The following AOPEP variants were observed in gnomAD, a reference collection of about 807,000 sequenced individuals.
AOPEP encodes the protein aminopeptidase O.
AOPEP carries 77 observed loss-of-function variants against 98.1 expected under a neutral mutation model. That is an observed-to-expected ratio of 0.78 (90% CI 0.65 to 0.95). The LOEUF (loss-of-function observed/expected upper bound fraction) is 0.95. AOPEP is among the 40% of genes least tolerant of loss of function. AOPEP has a pLI of 0.00. For missense variants in AOPEP, 1,024 were observed against 1,024.7 expected (o/e 1.00, Z 0.01); for synonymous variants, 346 against 365.3 (o/e 0.95, Z 0.60).
intron 7 of AOPEP, chr9:94,932,424 T>A (rs1318566372): frequency 4.7e-6 from 1 of 214,778 alleles, no homozygotes; most frequent in African/African-American, 2.4e-5. Context: ...GTGCCTTTCA[T>A]ACATCCACTG....
intron 14 of AOPEP, among the ~76,000 whole-genome samples, chr9:95,062,759 G>A (rs1422220776): frequency 6.6e-6 from 1 of 152,184 alleles, no homozygotes; most frequent in South Asian, 2.1e-4. Context: ...CTTGAATGTC[G>A]AGGGGTTGTG....
At chr9:94,752,653 TA>T (rs1218944787) in intron 1 of AOPEP, among the ~76,000 whole-genome samples, 1 of 152,194 alleles carries the variant, frequency 6.6e-6, no homozygotes, top group East Asian at 1.9e-4. Context: ...TTACTAAAGA[TA>T]AACTTAAGTA....
chr9:95,045,391 G>C (rs548256717), intron 13 of AOPEP, among the ~76,000 whole-genome samples: 1 of 152,358 alleles, frequency 6.6e-6, no homozygotes, highest in South Asian at 2.1e-4. Context: ...AGGGGTCGGT[G>C]AGAGGCCCCA....
At chr9:94,857,600 T>C (rs747605380) in intron 5 of AOPEP, among the ~76,000 whole-genome samples, 99 of 152,200 alleles carry the variant, frequency 6.5e-4, no homozygotes, top group Non-Finnish European at 8.5e-4. Context: ...GCCATTAAAA[T>C]TTATATTTCT....
At position 94,957,917 on chromosome 9, in the gene AOPEP, CA is replaced by C. The variant is rs569225287; in HGVS notation, c.1872+1910del. The stretch of plus-strand genomic sequence containing the variant: ...GTTCATTTAATTGTAATAAAATATA[CA>C]AAAAAAATTTACCATTTTAGCCATT... On this transcript the variant is annotated intron_variant, in intron 9 of 16. Transcript: ENST00000375315. Among the ~76,000 whole-genome samples the C allele has an allele frequency of 1.4e-4, 22 of 151,988 alleles. No individual in the cohort carries two copies. The East Asian group carries it at 3.5e-3, about 24-fold the overall frequency.
At chr9:95,125,821 A>C in the AOPEP span, among the ~76,000 whole-genome samples, 2 of 152,166 alleles carry the variant, frequency 1.3e-5, no homozygotes, top group Admixed American at 6.5e-5. Context: ...GGCTAGAGAG[A>C]GAGCTGATAT....
intron 5 of AOPEP, among the ~76,000 whole-genome samples, chr9:94,855,426 C>A (rs1044098154): frequency 6.6e-6 from 1 of 152,106 alleles, no homozygotes; most frequent in Admixed American, 6.5e-5. Flanking sequence ...CGGTGGCTCA[C>A]GCCTGTAATC....
At chr9:95,105,070 G>A in the AOPEP span, among the ~76,000 whole-genome samples, 2 of 152,190 alleles carry the variant, frequency 1.3e-5, no homozygotes, top group African/African-American at 2.4e-5. Context: ...TGCTGGGGCC[G>A]GGCCCAAAGA....
rs569285735 is a variant in AOPEP at position 94,848,409 on chromosome 9, A to G, written c.1364+47407A>G. On this transcript the variant is annotated intron_variant, in intron 5 of 16. Coordinates refer to ENST00000375315, the MANE Select transcript of AOPEP (RefSeq NM_001193329.3). ...GGATCTTGTAGTGAGCTGAGATTAC[A>G]CCACTGCACTCCAGCCTGGGCGACG... is the stretch of plus-strand genomic sequence containing the variant. Among the ~76,000 whole-genome samples, 12 of 134,138 alleles carry G rather than the reference A, an allele frequency of 8.9e-5. No homozygotes were observed. In the South Asian group the frequency reaches 2.9e-3, roughly 32 times the overall value. The allele number at this position is 134,138 out of a possible 152,430, so 88.0% of individuals were successfully genotyped here. A position where few individuals can be genotyped will look rare whatever the true frequency, so the allele number is the denominator to read the frequency against.
chr9:95,021,964 C>T (rs934496486), intron 13 of AOPEP: 9 of 152,170 alleles, frequency 5.9e-5, no homozygotes, highest in African/African-American at 2.2e-4. Flanking sequence ...CTTGGGAACC[C>T]CTGATGGAGT....
At chr9:94,838,157 C>T (rs567033056) in intron 5 of AOPEP, among the ~76,000 whole-genome samples, 131 of 152,104 alleles carry the variant, frequency 8.6e-4, no homozygotes, top group Non-Finnish European at 1.4e-3. Context: ...TACAGGCACC[C>T]GCCACCCATG....
At chr9:95,106,073 A>G in the AOPEP span, among the ~76,000 whole-genome samples, 10 of 152,152 alleles carry the variant, frequency 6.6e-5, no homozygotes, top group African/African-American at 2.4e-4. Flanking sequence ...CACGACGTTA[A>G]TGTCCCCACC....
chr9:94,812,476 C>T (rs1422124869), intron 5 of AOPEP, among the ~76,000 whole-genome samples: 1 of 152,144 alleles, frequency 6.6e-6, no homozygotes, highest in African/African-American at 2.4e-5. Flanking sequence ...ATACCCCCTG[C>T]CTGAGGGGCA....
chr9:95,150,080 G>C, the AOPEP span: 1 of 1,614,080 alleles, frequency 6.2e-7, no homozygotes, highest in African/African-American at 1.3e-5. Flanking sequence ...ACTCGCTCGG[G>C]AGCCATTCTA....
the AOPEP span, among the ~76,000 whole-genome samples, chr9:95,118,417 C>T: frequency 3.3e-5 from 5 of 152,208 alleles, no homozygotes; most frequent in Non-Finnish European, 5.9e-5. Context: ...GGCACAGAAG[C>T]TTTTTTAAAA....
chr9:95,035,384 T>C (rs1017614125), intron 13 of AOPEP, among the ~76,000 whole-genome samples: 2 of 152,070 alleles, frequency 1.3e-5, no homozygotes, highest in African/African-American at 4.8e-5. Context: ...CAGGGCCAGT[T>C]GGAACATCTT....
chr9:94,960,459 A>G (rs1242996454), intron 9 of AOPEP, among the ~76,000 whole-genome samples: 3 of 151,890 alleles, frequency 2.0e-5, no homozygotes, highest in Admixed American at 6.6e-5. Context: ...TACTTTAACT[A>G]CTTTCCCCTT....
intron 11 of AOPEP, among the ~76,000 whole-genome samples, chr9:94,996,628 T>C (rs2132482188): frequency 6.6e-6 from 1 of 152,346 alleles, no homozygotes; most frequent in Admixed American, 6.5e-5. Context: ...ATACCACACC[T>C]GCTCTATCTT....
chr9:94,987,858 A>G (rs749018776), intron 11 of AOPEP, among the ~76,000 whole-genome samples: 1 of 152,124 alleles, frequency 6.6e-6, no homozygotes, highest in Non-Finnish European at 1.5e-5. Context: ...AGGGACTTGA[A>G]TGTGATGCTA....
Sources: gnomAD v4.1 joint callset for allele counts (sites outside exome capture counted in the v4.1 genomes callset) on GRCh38, gnomAD v4.1.1 for gene constraint, MANE v1.5 for transcripts, NCBI Gene and HGNC (gene_info 2026-07-23, HGNC 2026-07-21) for gene names.